The following CELF1 variants were observed in gnomAD, a reference collection of about 807,000 sequenced individuals.
The protein encoded by CELF1 is CUGBP Elav-like family member 1, also known as 50 kDa nuclear polyadenylated RNA-binding protein.
Under a neutral mutation model 61.8 loss-of-function variants are expected in CELF1, and 10 were observed. The observed-to-expected ratio is 0.16, with a 90% CI of 0.10 to 0.27. The LOEUF (loss-of-function observed/expected upper bound fraction) is 0.27, where lower values mean the gene tolerates loss of function less well. Ranked by LOEUF, CELF1 falls within the 10% of genes least tolerant of loss-of-function variation. CELF1 has a pLI of 1.00. For synonymous variants in CELF1, 236 were observed against 225.1 expected (o/e 1.05, Z -0.43); for missense variants, 380 against 639.1 (o/e 0.59, Z 4.37).
intron 1 of CELF1, among the ~76,000 whole-genome samples, chr11:47,504,902 C>CAAAAAAAAAAAAAAAAAA (rs374401044): frequency 9.3e-5 from 10 of 107,918 alleles, no homozygotes; most frequent in African/African-American, 3.6e-4. Flanking sequence ...ACTCTGTCAC[C>CAAAAAAAAAAAAAAAAAA]AAAAAAAAAA....
intron 14 of CELF1, 95 bp downstream of exon 14, chr11:47,472,985 AACAACACC>A: frequency 7.3e-7 from 1 of 1,369,092 alleles, no homozygotes; most frequent in Non-Finnish European, 9.8e-7. Flanking sequence ...GCCAAGTTAA[AACAACACC>A]ACAAACTCAT....
chr11:47,558,520 T>A (rs2097212928), intron 2 of CELF1, among the ~76,000 whole-genome samples: 3 of 120,742 alleles, frequency 2.5e-5, no homozygotes. Flanking sequence ...AAATAATATA[T>A]GTATATGTAT....
At chr11:47,528,000 A>T (rs565873521) in intron 1 of CELF1, among the ~76,000 whole-genome samples, 40 of 152,160 alleles carry the variant, frequency 2.6e-4, no homozygotes, top group African/African-American at 9.1e-4. Flanking sequence ...GGAGGCTGAG[A>T]CAGGAGAATG....
intron 1 of CELF1, among the ~76,000 whole-genome samples, chr11:47,506,366 T>TCAACAC (rs1432343141): frequency 7.1e-6 from 1 of 141,354 alleles, no homozygotes; most frequent in Non-Finnish European, 1.6e-5. Context: ...GGCGGAGGGG[T>TCAACAC]TGCAGTGAGC....
intron 1 of CELF1, chr11:47,513,747 G>T (rs964925194): frequency 2.0e-5 from 3 of 150,710 alleles, no homozygotes; most frequent in African/African-American, 7.3e-5. Context: ...GAGCCACTGC[G>T]CCCGGCCACC....
In CELF1 at chr11:47,499,534, TC is replaced by T; in HGVS notation, c.-12del. 6.5e-7 allele frequency: 1 copy of T among 1,533,390 alleles called. No homozygotes were observed. Among genetic ancestry groups the T allele is most frequent in the Non-Finnish European group, 8.7e-7 (1 of 1,144,554 alleles). The allele number at this position is 1,533,390 out of a possible 1,614,324, so 95.0% of individuals were successfully genotyped here. On this transcript the variant is annotated 5_prime_UTR_variant, in exon 3 of 15. Transcript: ENST00000687097. ...CTTAAACGCAGCCATCACCTCACTC[TC>T]CCCTTCAGAAGCCAATGATATTAAC...
At chr11:47,549,300 A>G (rs1343280797) in intron 1 of CELF1, among the ~76,000 whole-genome samples, 1 of 152,222 alleles carries the variant, frequency 6.6e-6, no homozygotes, top group African/African-American at 2.4e-5. Flanking sequence ...CACTTGATCC[A>G]GCAATCCCAC....
rs929422025 is a variant in CELF1 at position 47,466,623 on chromosome 11, C to T, written c.*5607G>A. On this transcript the variant is annotated 3_prime_UTR_variant, in exon 15 of 15. Transcript: ENST00000687097. Reference sequence around the variant, plus strand: ...AGCTGGAAATCAGAAAGGCAGCTGCCGCTCCAGGGTCTCAAATCCATTAAA... The same window carrying T: ...AGCTGGAAATCAGAAAGGCAGCTGCTGCTCCAGGGTCTCAAATCCATTAAA... 1 of 151,980 alleles carries T rather than the reference C, an allele frequency of 6.6e-6. No individual in the cohort carries two copies. Among genetic ancestry groups the T allele is most frequent in the African/African-American group, 2.4e-5 (1 of 41,428 alleles). The allele number at this position is 151,980 out of a possible 1,614,324, so 9.4% of individuals were successfully genotyped here.
chr11:47,540,384 A>G (rs1221963462), intron 1 of CELF1, among the ~76,000 whole-genome samples: 1 of 152,198 alleles, frequency 6.6e-6, no homozygotes, highest in Non-Finnish European at 1.5e-5. Flanking sequence ...ATAATCTTTT[A>G]CCACATAAAC....
At chr11:47,558,705 AAT>A (rs1299514643) in intron 2 of CELF1, among the ~76,000 whole-genome samples, 18 of 107,914 alleles carry the variant, frequency 1.7e-4, no homozygotes, top group Admixed American at 3.7e-4. Context: ...TATATGTCAT[AAT>A]ATATAATATT....
chr11:47,515,299 C>A (rs1338312650), intron 1 of CELF1, among the ~76,000 whole-genome samples: 1 of 152,180 alleles, frequency 6.6e-6, no homozygotes, highest in Non-Finnish European at 1.5e-5. Context: ...TCTGAACCCA[C>A]CGAGGGAGGG....
intron 1 of CELF1, among the ~76,000 whole-genome samples, chr11:47,538,239 A>G (rs2096679350): frequency 6.6e-6 from 1 of 152,186 alleles, no homozygotes; most frequent in Admixed American, 6.5e-5. Flanking sequence ...TATATTTGCA[A>G]TCATCATTTG....
Position 47,466,201 on chromosome 11 carries a change from G to A in CELF1, c.*6029C>T, listed in dbSNP as rs112866503. On this transcript the variant is annotated 3_prime_UTR_variant, in exon 15 of 15. Transcript: ENST00000687097. Reference sequence around the variant, plus strand: ...AAGAAAAGCGACGAGGGCTCTCCTTGCCTTTTTTTAAACCATTAAAGTAAA... The same window carrying A: ...AAGAAAAGCGACGAGGGCTCTCCTTACCTTTTTTTAAACCATTAAAGTAAA... 10 of 152,138 alleles carry A rather than the reference G, an allele frequency of 6.6e-5. 1 individual carries two copies. Among genetic ancestry groups the A allele is most frequent in the African/African-American group, 2.4e-4 (10 of 41,500 alleles). The allele number at this position is 152,138 out of a possible 1,614,324, so 9.4% of individuals were successfully genotyped here.
intron 1 of CELF1, among the ~76,000 whole-genome samples, chr11:47,544,517 T>A (rs1565907385): frequency 6.6e-6 from 1 of 152,210 alleles, no homozygotes; most frequent in Non-Finnish European, 1.5e-5. Flanking sequence ...ATAAAGCCCA[T>A]TCAAGTCACA....
intron 3 of CELF1, among the ~76,000 whole-genome samples, chr11:47,489,596 A>G (rs2089886189): frequency 6.6e-6 from 1 of 152,302 alleles, no homozygotes; most frequent in South Asian, 2.1e-4. Context: ...TTAGGTCTCC[A>G]GACCAAAACA....
At chr11:47,551,828 A>G (rs2097144991) in intron 1 of CELF1, among the ~76,000 whole-genome samples, 2 of 152,164 alleles carry the variant, frequency 1.3e-5, no homozygotes, top group South Asian at 4.1e-4. Flanking sequence ...ATCCAGCCTG[A>G]TCAACATGGT....
intron 9 of CELF1, among the ~76,000 whole-genome samples, chr11:47,480,965 T>C (rs2153426185): frequency 6.6e-6 from 1 of 152,110 alleles, no homozygotes; most frequent in Non-Finnish European, 1.5e-5. Context: ...ATTGCGCCAC[T>C]GTTTTCCAAC....
chr11:47,544,404 A>T (rs1178934776), intron 1 of CELF1, among the ~76,000 whole-genome samples: 1 of 152,186 alleles, frequency 6.6e-6, no homozygotes, highest in Non-Finnish European at 1.5e-5. Flanking sequence ...CTGAGTTGGT[A>T]TCTCCACTTT....
At chr11:47,552,673 C>T (rs1489834337) in intron 1 of CELF1, among the ~76,000 whole-genome samples, 1 of 152,228 alleles carries the variant, frequency 6.6e-6, no homozygotes, top group Admixed American at 6.5e-5. Context: ...TGGCCCTGGG[C>T]AGGGCACGAG....
Sources: allele counts gnomAD v4.1 joint callset (sites outside exome capture counted in the v4.1 genomes callset), GRCh38; gene constraint gnomAD v4.1.1; transcripts MANE v1.5; gene names NCBI Gene and HGNC (gene_info 2026-07-23, HGNC 2026-07-21).